Variants in SCN10A observed in about 807,000 individuals in gnomAD.
SCN10A encodes sodium channel protein type 10 subunit alpha.
Under a neutral mutation model 170.7 loss-of-function variants are expected in SCN10A, and 162 were observed. The ratio of observed to expected loss-of-function variants is 0.95; its 90% CI spans 0.84 to 1.08. The LOEUF (loss-of-function observed/expected upper bound fraction) is 1.08, where lower values mean the gene tolerates loss of function less well. Ranked by LOEUF, SCN10A falls within the 50% of genes least tolerant of loss-of-function variation. SCN10A has a pLI of 0.00. For missense variants in SCN10A, 2,527 were observed against 2,436.9 expected (o/e 1.04, Z -0.78); for synonymous variants, 985 against 904.6 (o/e 1.09, Z -1.59).
chr3:38,722,049 G>T (rs566339153), intron 20 of SCN10A, among the ~76,000 whole-genome samples: 44 of 152,330 alleles, frequency 2.9e-4, no homozygotes, highest in African/African-American at 1.0e-3. Flanking sequence ...GCCAGGTTTG[G>T]CAGGCCATGG....
chr3:38,774,605 T>C (rs1397339221), intron 4 of SCN10A, among the ~76,000 whole-genome samples: 2 of 152,198 alleles, frequency 1.3e-5, no homozygotes, highest in Non-Finnish European at 2.9e-5. Context: ...TGTCTGATTG[T>C]TACAAATCCC....
chr3:38,743,397 G>T (rs1446978529), intron 13 of SCN10A, among the ~76,000 whole-genome samples: 1 of 152,128 alleles, frequency 6.6e-6, no homozygotes, highest in Non-Finnish European at 1.5e-5. Context: ...AGGTAAACAT[G>T]CTTTAATTAT....
At chr3:38,790,033 A>G (rs1451734763) in intron 3 of SCN10A, among the ~76,000 whole-genome samples, 1 of 152,162 alleles carries the variant, frequency 6.6e-6, no homozygotes, top group Non-Finnish European at 1.5e-5. Flanking sequence ...CTAGTTTTAC[A>G]GTTACTTAGG....
chr3:38,808,217 C>T (rs1394627690), intron 1 of SCN10A, among the ~76,000 whole-genome samples: 2 of 146,434 alleles, frequency 1.4e-5, no homozygotes, highest in African/African-American at 5.2e-5. Context: ...CACCAGCTTG[C>T]TTTCTGCTTT....
intron 1 of SCN10A, among the ~76,000 whole-genome samples, chr3:38,806,026 A>G (rs1378645033): frequency 6.6e-6 from 1 of 152,162 alleles, no homozygotes; most frequent in Non-Finnish European, 1.5e-5. Context: ...CAAGAGAGGA[A>G]GGAATGGGTG....
chr3:38,799,078 A>G (rs2064356879), intron 1 of SCN10A, among the ~76,000 whole-genome samples: 1 of 152,106 alleles, frequency 6.6e-6, no homozygotes, highest in Non-Finnish European at 1.5e-5. Flanking sequence ...CACTGTGCCC[A>G]GCCCCTTTTG....
chr3:38,754,294 A>T (rs577128601), intron 11 of SCN10A, among the ~76,000 whole-genome samples: 1 of 152,198 alleles, frequency 6.6e-6, no homozygotes, highest in Non-Finnish European at 1.5e-5. Context: ...TCAAAACACC[A>T]TGTATGTGTC....
rs756396678 is a variant in SCN10A, at chr3:38,697,443, C to G, written c.5777G>C (p.Arg1926Thr). 1.9e-6 allele frequency: 3 copies of G among 1,614,178 alleles called. No individual in the cohort carries two copies. The Admixed American group carries it at 5.0e-5, about 27-fold the overall frequency. ...SFPPSYESVT[R>T]GLSDRVNMRT... ...CATGTTGACTCTATCACTAAGGCCT[C>G]TAGTGACACTCTCATAGGACGGTGG... The change falls in exon 28 of 28, where the codon AGA becomes ACA. Residue 1926 changes from arginine to threonine, a missense_variant. Coordinates refer to ENST00000449082, the MANE Select transcript of SCN10A (RefSeq NM_006514.4).
At chr3:38,791,956 T>TA in intron 3 of SCN10A, 94 bp downstream of exon 3, 1 of 1,483,510 alleles carries the variant, frequency 6.7e-7, no homozygotes, top group Non-Finnish European at 9.1e-7. Context: ...TTCAATTGGA[T>TA]AAGGGCTCTG....
intron 3 of SCN10A, 121 bp downstream of exon 3, chr3:38,791,929 T>C (rs2064286440): frequency 1.5e-6 from 2 of 1,312,196 alleles, no homozygotes; most frequent in South Asian, 2.8e-5. Flanking sequence ...TCTAATGACC[T>C]CATTGTACTT....
chr3:38,760,599 C>A, intron 8 of SCN10A, 82 bp downstream of exon 8: 1 of 1,078,416 alleles, frequency 9.3e-7, no homozygotes, highest in East Asian at 2.4e-5. Context: ...CCTGCAACCC[C>A]ATCTGTGCCC....
chr3:38,712,742 TTGC>T (rs1472261965), intron 22 of SCN10A, among the ~76,000 whole-genome samples: 1 of 152,210 alleles, frequency 6.6e-6, no homozygotes, highest in Non-Finnish European at 1.5e-5. Context: ...TGTATTATAC[TTGC>T]ACATACAGAC....
intron 24 of SCN10A, among the ~76,000 whole-genome samples, chr3:38,709,863 G>A (rs1427906896): frequency 6.6e-6 from 1 of 152,236 alleles, no homozygotes; most frequent in African/African-American, 2.4e-5. Flanking sequence ...CTGAGTAACT[G>A]TGTAGAGCAC....
intron 4 of SCN10A, among the ~76,000 whole-genome samples, chr3:38,773,567 G>C (rs914668923): frequency 6.6e-6 from 1 of 152,144 alleles, no homozygotes. Flanking sequence ...CTGGAGAAGA[G>C]TTTGGGAACA....
chr3:38,725,471 C>T (rs1229483228), intron 17 of SCN10A, among the ~76,000 whole-genome samples, 157 bp from the exon 18 acceptor site: 1 of 152,222 alleles, frequency 6.6e-6, no homozygotes, highest in Non-Finnish European at 1.5e-5. Flanking sequence ...GTGAAGTGAG[C>T]ATGAAGACTA....
chr3:38,761,487 A>ACTCCT, intron 6 of SCN10A, 104 bp from the exon 7 acceptor site: 2 of 973,046 alleles, frequency 2.1e-6, no homozygotes, highest in Non-Finnish European at 3.0e-6. Flanking sequence ...ACAGGAGTGA[A>ACTCCT]GTATGTACAC....
At chr3:38,754,580 A>G (rs115887811) in intron 11 of SCN10A, among the ~76,000 whole-genome samples, 199 of 152,332 alleles carry the variant, frequency 1.3e-3, no homozygotes, top group Non-Finnish European at 2.2e-3. Flanking sequence ...TGACATTTCC[A>G]TGGAAGCTGT....
intron 4 of SCN10A, among the ~76,000 whole-genome samples, chr3:38,775,712 A>T (rs1185220462): frequency 6.6e-6 from 1 of 152,202 alleles, no homozygotes; most frequent in Non-Finnish European, 1.5e-5. Context: ...ACTATAAAAT[A>T]AAATGTCTGC....
At chr3:38,803,148 A>C (rs1346245389) in intron 1 of SCN10A, among the ~76,000 whole-genome samples, 5 of 152,202 alleles carry the variant, frequency 3.3e-5, no homozygotes, top group East Asian at 1.9e-4. Context: ...AGTCAGGAAA[A>C]AACAGGTGCT....
Sources: gnomAD v4.1 joint callset for allele counts (sites outside exome capture counted in the v4.1 genomes callset) on GRCh38, gnomAD v4.1.1 for gene constraint, MANE v1.5 for transcripts, NCBI Gene and HGNC (gene_info 2026-07-23, HGNC 2026-07-21) for gene names.